Variants in NOS1 observed in about 807,000 individuals in gnomAD.
NOS1 encodes NOS type I.
A neutral mutation model predicts 164.5 loss-of-function variants in NOS1; 51 were observed. That is an observed-to-expected ratio of 0.31 (90% CI 0.25 to 0.39). NOS1 has a LOEUF of 0.39. NOS1 is among the 10% of genes least tolerant of loss of function. The pLI, the probability that NOS1 is intolerant of heterozygous loss-of-function variation, is 1.00. For missense variants in NOS1, 1,362 were observed against 1,885.6 expected (o/e 0.72, Z 5.14); for synonymous variants, 719 against 745.8 (o/e 0.96, Z 0.59).
intron 22 of NOS1, among the ~76,000 whole-genome samples, chr12:117,230,155 C>T (rs1173719896): frequency 6.6e-6 from 1 of 152,116 alleles, no homozygotes; most frequent in Non-Finnish European, 1.5e-5. Context: ...CTCAAGCAAT[C>T]TTCCCAACTC....
At chr12:117,360,396 T>G (rs1877079146) in intron 1 of NOS1, among the ~76,000 whole-genome samples, 1 of 152,190 alleles carries the variant, frequency 6.6e-6, no homozygotes, top group African/African-American at 2.4e-5. Flanking sequence ...CCTGGCCACC[T>G]GGAAGCAACC....
chr12:117,265,010 T>C (rs116410963), intron 12 of NOS1, among the ~76,000 whole-genome samples: 2,870 of 142,364 alleles, frequency 0.02, 93 homozygotes, highest in African/African-American at 0.07. Flanking sequence ...GCCTGCTAAT[T>C]AAAAAAAAAA....
intron 1 of NOS1, among the ~76,000 whole-genome samples, chr12:117,335,729 T>TGGGAGAGAGAGAGAGAGAGAGAGAGAGA (rs368456314): frequency 7.1e-5 from 8 of 112,602 alleles, no homozygotes; most frequent in Admixed American, 1.9e-4. Flanking sequence ...ACAGACTATA[T>TGGGAGAGAGAGAGAGAGAGAGAGAGAGA]GAGAGAGAGA....
chr12:117,223,611 A>AAAC (rs1294230157), intron 25 of NOS1, among the ~76,000 whole-genome samples: 9 of 148,768 alleles, frequency 6.0e-5, no homozygotes, highest in African/African-American at 1.0e-4. Context: ...GAGTCTCACT[A>AAAC]TGTTGCCCAG....
At position 117,216,952 on chromosome 12, in the gene NOS1, G is replaced by A. The variant is rs189776864; in HGVS notation, c.4289+1094C>T. Among the ~76,000 whole-genome samples the A allele has an allele frequency of 6.6e-5, 10 of 152,266 alleles. No individual in the cohort carries two copies. The East Asian group carries it at 1.7e-3, about 26-fold the overall frequency. ...TGTTGTTGAAAAAAGAGACAGCTGA[G>A]TCCCCACCCAATTTAAAGTAAAGGG... On this transcript the variant is annotated intron_variant, in intron 28 of 28. Coordinates refer to ENST00000317775, the MANE Select transcript of NOS1 (RefSeq NM_000620.5).
intron 1 of NOS1, among the ~76,000 whole-genome samples, chr12:117,344,413 C>T (rs549428637): frequency 6.6e-6 from 1 of 152,184 alleles, no homozygotes; most frequent in South Asian, 2.1e-4. Context: ...ATATTTTGAG[C>T]ATTTTTATAT....
At chr12:117,271,113 C>A (rs545655151) in intron 10 of NOS1, among the ~76,000 whole-genome samples, 1 of 152,092 alleles carries the variant, frequency 6.6e-6, no homozygotes, top group Non-Finnish European at 1.5e-5. Context: ...AGAAGAATCT[C>A]CTGGGGAACT....
At chr12:117,221,578 C>T (rs1309351045) in intron 26 of NOS1, among the ~76,000 whole-genome samples, 4 of 151,810 alleles carry the variant, frequency 2.6e-5, no homozygotes, top group African/African-American at 7.3e-5. Flanking sequence ...ACCACCACAC[C>T]CGGCCTAAAT....
chr12:117,322,759 C>CTCCA (rs1307756076), intron 2 of NOS1, among the ~76,000 whole-genome samples: 1 of 139,052 alleles, frequency 7.2e-6, no homozygotes, highest in Non-Finnish European at 1.6e-5. Flanking sequence ...ACTTCCTTCC[C>CTCCA]TCCTTCCTTC....
At chr12:117,307,567 A>G (rs879261380) in intron 3 of NOS1, among the ~76,000 whole-genome samples, 1 of 152,018 alleles carries the variant, frequency 6.6e-6, no homozygotes, top group Non-Finnish European at 1.5e-5. Flanking sequence ...GGGTTTTGCT[A>G]TGTTGCCCAG....
intron 3 of NOS1, among the ~76,000 whole-genome samples, chr12:117,304,680 G>C (rs554939855): frequency 6.6e-6 from 1 of 152,282 alleles, no homozygotes; most frequent in Admixed American, 6.5e-5. Context: ...TACACACAAC[G>C]CACTCTGTGA....
At chr12:117,314,938 T>C (rs903784983) in intron 2 of NOS1, among the ~76,000 whole-genome samples, 6 of 152,188 alleles carry the variant, frequency 3.9e-5, no homozygotes, top group Admixed American at 1.3e-4. Flanking sequence ...GGATGCTTAT[T>C]CTAAGCCAGA....
intron 16 of NOS1, among the ~76,000 whole-genome samples, chr12:117,257,629 T>A (rs1093326): frequency 0.12 from 14,126 of 117,938 alleles, 798 homozygotes; most frequent in South Asian, 0.14. Context: ...TTTTTTTTTT[T>A]TTTGACAGGT....
At chr12:117,256,295 T>G (rs1436329734) in intron 16 of NOS1, among the ~76,000 whole-genome samples, 1 of 149,468 alleles carries the variant, frequency 6.7e-6, no homozygotes, top group Non-Finnish European at 1.5e-5. Context: ...TTTTTTTTTT[T>G]TGAGACGGAG....
At chr12:117,328,031 C>A (rs578252545) in intron 2 of NOS1, among the ~76,000 whole-genome samples, 59 of 152,218 alleles carry the variant, frequency 3.9e-4, no homozygotes, top group Admixed American at 7.8e-4. Flanking sequence ...GAGGAAGGTG[C>A]ATGCCAAGCA....
At chr12:117,334,559 C>T (rs948347090) in intron 1 of NOS1, among the ~76,000 whole-genome samples, 8 of 152,092 alleles carry the variant, frequency 5.3e-5, no homozygotes, top group Non-Finnish European at 8.8e-5. Flanking sequence ...CCACACCTGG[C>T]TAATTTTGTA....
intron 26 of NOS1, among the ~76,000 whole-genome samples, chr12:117,221,432 T>G (rs1318195618): frequency 6.6e-6 from 1 of 150,876 alleles, no homozygotes; most frequent in South Asian, 2.1e-4. Flanking sequence ...TACAAGAATG[T>G]GCCACCGCGC....
chr12:117,290,149 G>A (rs1872950805), intron 4 of NOS1, 149 bp downstream of exon 4: 4 of 804,308 alleles, frequency 5.0e-6, no homozygotes, highest in Non-Finnish European at 5.6e-6. Context: ...CTGGAAGGGG[G>A]CGTACTGACA....
In NOS1 at chr12:117,222,813, T is replaced by C. The variant is rs369884374; in HGVS notation, c.3877A>G (p.Ile1293Val). ...GTCTCTTCCCTGTAGATATGATCTA[T>C]CTTGGATTGCCGGCACCCGAAGACC... The part of the protein sequence containing the change: ...VLVFGCRQSK[I>V]DHIYREETLQ... Residue 1293 changes from isoleucine (I) to valine (V), a missense_variant, in exon 26 of 29, where the codon ATA (isoleucine) becomes GTA (valine). Around this residue, in one of 4 missense-constraint regions of NOS1, gnomAD observed 737 missense variants for 1,030.3 expected, o/e 0.72. Coordinates refer to ENST00000317775, the MANE Select transcript of NOS1 (RefSeq NM_000620.5). 8.1e-6 allele frequency: 13 copies of C among 1,613,816 alleles called. No homozygotes were observed. The African/African-American group carries it at 1.3e-4, about 17-fold the overall frequency.
Sources: gnomAD v4.1 joint callset for allele counts (sites outside exome capture counted in the v4.1 genomes callset) on GRCh38, gnomAD v4.1.1 for gene constraint, gnomAD v4.1.1 regional missense constraint, MANE v1.5 for transcripts, NCBI Gene and HGNC (gene_info 2026-07-23, HGNC 2026-07-21) for gene names.